The following FSIP1 variants were observed in gnomAD, a reference collection of about 807,000 sequenced individuals.
FSIP1 encodes fibrous sheath-interacting protein 1.
FSIP1 carries 65 observed loss-of-function variants against 60.9 expected under a neutral mutation model. The observed-to-expected ratio is 1.07, with a 90% CI of 0.87 to 1.31. The LOEUF (loss-of-function observed/expected upper bound fraction) is 1.31. FSIP1 is among the 40% of genes most tolerant of loss of function. The pLI is 0.00. For synonymous variants in FSIP1, 209 were observed against 221.2 expected, an observed-to-expected ratio of 0.94 and a Z score of 0.49; for missense variants, 675 against 665.5, an observed-to-expected ratio of 1.01 and a Z score of -0.16.
intron 10 of FSIP1, among the ~76,000 whole-genome samples, chr15:39,682,963 T>C (rs972302450): frequency 2.0e-5 from 3 of 152,134 alleles, no homozygotes; most frequent in East Asian, 3.9e-4. Context: ...ATGATTCCAG[T>C]TGATGGAAGT....
chr15:39,622,763 C>A (rs181926461), intron 10 of FSIP1, among the ~76,000 whole-genome samples: 21 of 152,280 alleles, frequency 1.4e-4, no homozygotes, highest in Middle Eastern at 3.4e-3. Flanking sequence ...GGTCCAGAAC[C>A]TAAGTGTCTA....
At chr15:39,616,555 G>A (rs1304519592) in intron 11 of FSIP1, among the ~76,000 whole-genome samples, 2 of 152,072 alleles carry the variant, frequency 1.3e-5, no homozygotes. Flanking sequence ...GGAAGAAGAG[G>A]GCCTGAACAA....
intron 5 of FSIP1, among the ~76,000 whole-genome samples, chr15:39,752,590 A>C (rs779086047): frequency 6.6e-6 from 1 of 151,864 alleles, no homozygotes; most frequent in Non-Finnish European, 1.5e-5. Context: ...ATAAATTCCA[A>C]CTCTTGGACA....
chr15:39,657,053 G>A (rs980228643), intron 10 of FSIP1, among the ~76,000 whole-genome samples: 6 of 152,200 alleles, frequency 3.9e-5, no homozygotes, highest in African/African-American at 1.4e-4. Context: ...TTGGAAAGCA[G>A]CACCTGGGAC....
intron 3 of FSIP1, among the ~76,000 whole-genome samples, chr15:39,767,385 T>A (rs1426317399): frequency 1.3e-5 from 2 of 152,122 alleles, no homozygotes; most frequent in Non-Finnish European, 2.9e-5. Context: ...ACAAATCCAA[T>A]GTAAACTGTG....
chr15:39,637,653 G>A (rs1473273305), intron 10 of FSIP1, among the ~76,000 whole-genome samples: 1 of 152,212 alleles, frequency 6.6e-6, no homozygotes, highest in Non-Finnish European at 1.5e-5. Context: ...TCTAGCACAT[G>A]TCCTGTAGCC....
chr15:39,713,766 A>G (rs781591593), intron 9 of FSIP1, among the ~76,000 whole-genome samples, 185 bp from the exon 10 acceptor site: 23 of 152,240 alleles, frequency 1.5e-4, no homozygotes, highest in Non-Finnish European at 2.8e-4. Context: ...AACTGTACAT[A>G]TAACAAGTAG....
At chr15:39,631,562 C>G (rs1891890333) in intron 10 of FSIP1, among the ~76,000 whole-genome samples, 1 of 152,150 alleles carries the variant, frequency 6.6e-6, no homozygotes, top group Non-Finnish European at 1.5e-5. Context: ...ACGAAGACAC[C>G]TCTTCCCAGA....
intron 5 of FSIP1, among the ~76,000 whole-genome samples, chr15:39,756,473 C>T (rs965522283): frequency 3.3e-5 from 5 of 152,010 alleles, no homozygotes; most frequent in African/African-American, 1.2e-4. Context: ...TCAAGCAATC[C>T]TCCCACCTCA....
intron 11 of FSIP1, among the ~76,000 whole-genome samples, chr15:39,611,986 C>T (rs746006054): frequency 2.1e-4 from 32 of 152,240 alleles, no homozygotes; most frequent in East Asian, 9.6e-4. Flanking sequence ...AACATATACA[C>T]ACCCAACACT....
intron 10 of FSIP1, among the ~76,000 whole-genome samples, chr15:39,665,834 C>T (rs1330979850): frequency 6.6e-6 from 1 of 152,064 alleles, no homozygotes. Context: ...TGAACAAAAG[C>T]CACTTGAAGA....
intron 2 of FSIP1, among the ~76,000 whole-genome samples, chr15:39,771,029 G>A (rs1469856479): frequency 6.6e-6 from 1 of 152,224 alleles, no homozygotes; most frequent in Admixed American, 6.5e-5. Flanking sequence ...TCTAGGGAGA[G>A]TCTCCTAATC....
At chr15:39,665,186 C>A (rs1273837035) in intron 10 of FSIP1, among the ~76,000 whole-genome samples, 1 of 152,146 alleles carries the variant, frequency 6.6e-6, no homozygotes, top group Non-Finnish European at 1.5e-5. Flanking sequence ...CCTCCTACAA[C>A]ACAGAAGAGA....
At chr15:39,740,122 G>A (rs1177064765) in intron 6 of FSIP1, among the ~76,000 whole-genome samples, 1 of 152,128 alleles carries the variant, frequency 6.6e-6, no homozygotes, top group Non-Finnish European at 1.5e-5. Context: ...ATGTTAGGGA[G>A]ACTTTAAAAT....
chr15:39,643,970 C>T (rs148165794), intron 10 of FSIP1, among the ~76,000 whole-genome samples: 42 of 152,216 alleles, frequency 2.8e-4, no homozygotes, highest in Middle Eastern at 6.8e-3. Context: ...TCTGAATGTA[C>T]CCTACATAGT....
At chr15:39,641,509 C>T (rs1240814296) in intron 10 of FSIP1, among the ~76,000 whole-genome samples, 5 of 152,138 alleles carry the variant, frequency 3.3e-5, no homozygotes, top group African/African-American at 1.2e-4. Context: ...CTATAATTAA[C>T]AGGGTTTATG....
At chr15:39,603,618 C>G (rs1229850803) in intron 11 of FSIP1, among the ~76,000 whole-genome samples, 1 of 152,106 alleles carries the variant, frequency 6.6e-6, no homozygotes, top group African/African-American at 2.4e-5. Context: ...AGGGAGGGTC[C>G]CAGGGCATGC....
chr15:39,691,637 G>C (rs977551773), intron 10 of FSIP1, among the ~76,000 whole-genome samples: 4 of 152,222 alleles, frequency 2.6e-5, no homozygotes, highest in Non-Finnish European at 4.4e-5. Context: ...GAGAGATCCT[G>C]ATAAGATAAA....
At chr15:39,604,918 T>G (rs1164818258) in intron 11 of FSIP1, among the ~76,000 whole-genome samples, 1 of 152,170 alleles carries the variant, frequency 6.6e-6, no homozygotes, top group Non-Finnish European at 1.5e-5. Context: ...CCAGTAAGAC[T>G]ATACTATAAC....
Sources: gnomAD v4.1 joint callset for allele counts (sites outside exome capture counted in the v4.1 genomes callset) on GRCh38, gnomAD v4.1.1 for gene constraint, MANE v1.5 for transcripts, NCBI Gene and HGNC (gene_info 2026-07-23, HGNC 2026-07-21) for gene names.